The following NIPAL3 variants were observed in gnomAD, a reference collection of about 807,000 sequenced individuals.
NIPAL3 encodes NIPA like domain containing 3.
Under a neutral mutation model 47.2 loss-of-function variants are expected in NIPAL3, and 41 were observed. The ratio of observed to expected loss-of-function variants is 0.87; its 90% confidence interval spans 0.68 to 1.13. NIPAL3 has a LOEUF of 1.13. Among genes scored for constraint, NIPAL3 ranks in the 50% most tolerant of loss-of-function variants. The pLI, the probability that NIPAL3 is intolerant of heterozygous loss-of-function variation, is 0.00. For synonymous variants in NIPAL3, 194 were observed against 209.6 expected, an observed-to-expected ratio of 0.93 and a Z score of 0.64; for missense variants, 449 against 530.1, an observed-to-expected ratio of 0.85 and a Z score of 1.50.
At position 24,449,949 on chromosome 1, in the gene NIPAL3, G is replaced by A. The variant is rs560711629; in HGVS notation, c.540+323G>A. Among the ~76,000 whole-genome samples the A allele has an allele frequency of 2.0e-5, 3 of 152,224 alleles. No individual in the cohort carries two copies. The East Asian group carries it at 5.8e-4, about 29-fold the overall frequency. ...TTATACTCAACAGAAATGCATACATGTGTTTCTCAAATGACATGTATGAGA... is the reference window on the plus strand; with the variant it reads ...TTATACTCAACAGAAATGCATACATATGTTTCTCAAATGACATGTATGAGA... On this transcript the variant is annotated intron_variant, in intron 6 of 11. Coordinates refer to ENST00000374399, the MANE Select transcript of NIPAL3 (RefSeq NM_020448.5). The surrounding 1 kb of genome is among the most constrained non-coding windows in gnomAD (Gnocchi z 4.5).
rs1644005596 is a variant in NIPAL3, at chr1:24,416,003, C to T, written c.-258+99C>T. On this transcript the variant is annotated intron_variant, in intron 1 of 11. Transcript: ENST00000374399. This position sits in a 1 kb window ranked among gnomAD's most constrained non-coding sequence, Gnocchi z 4.8. Reference sequence around the variant, plus strand: ...ACCTAACGTCCCCTAGTGTACATACCCTTCCTTCTTACTGTCACCAGCCTC... The same window carrying T: ...ACCTAACGTCCCCTAGTGTACATACTCTTCCTTCTTACTGTCACCAGCCTC... 1 of 985,262 alleles carries T rather than the reference C, an allele frequency of 1.0e-6. No homozygotes were observed. Among genetic ancestry groups the T allele is most frequent in the Non-Finnish European group, 1.2e-6 (1 of 829,964 alleles). 61.0% of individuals were successfully genotyped at this position (985,262 alleles called of 1,614,324 possible).
intron 10 of NIPAL3, 51 bp from the exon 11 acceptor site, chr1:24,463,975 C>T (rs748140965): frequency 1.1e-5 from 17 of 1,495,218 alleles, no homozygotes; most frequent in South Asian, 2.4e-5. Context: ...TGTGCCTGCC[C>T]GACCTTGCTC....
At chr1:24,418,280 T>C (rs557683572) in intron 1 of NIPAL3, among the ~76,000 whole-genome samples, 1 of 152,316 alleles carries the variant, frequency 6.6e-6, no homozygotes, top group East Asian at 1.9e-4. Context: ...CCCTAACACT[T>C]TTAAGCAGGG....
intron 1 of NIPAL3, among the ~76,000 whole-genome samples, chr1:24,417,186 T>A (rs892576610): frequency 5.9e-5 from 9 of 152,138 alleles, no homozygotes; most frequent in African/African-American, 1.9e-4. Flanking sequence ...TACAAGTCAC[T>A]GTCAGGCTCT....
At chr1:24,459,116 A>G (rs1268754674) in intron 9 of NIPAL3, 140 bp downstream of exon 9, 2 of 715,936 alleles carry the variant, frequency 2.8e-6, no homozygotes, top group Non-Finnish European at 4.8e-6. Context: ...CAGGATTTCC[A>G]GACAGAGAGA....
intron 4 of NIPAL3, 76 bp downstream of exon 4, chr1:24,442,302 G>T: frequency 2.6e-6 from 4 of 1,521,204 alleles, no homozygotes; most frequent in South Asian, 1.2e-5. Context: ...CAGGATCAAA[G>T]GTGCCCATTG....
At chr1:24,450,025 G>A (rs981447202) in intron 6 of NIPAL3, among the ~76,000 whole-genome samples, 3 of 152,254 alleles carry the variant, frequency 2.0e-5, no homozygotes, top group African/African-American at 4.8e-5. Flanking sequence ...GACTCCTCAA[G>A]TGCCCCCCAG....
At chr1:24,466,319 A>G (rs1646697970) in intron 11 of NIPAL3, 1 of 369,502 alleles carries the variant, frequency 2.7e-6, no homozygotes, top group South Asian at 5.0e-5. Flanking sequence ...AAAATAAATA[A>G]ATAAATAAAA....
rs1005018210 is a variant in NIPAL3, at chr1:24,470,301, G to A, written c.*1116G>A. 3 of 152,172 alleles carry A rather than the reference G, an allele frequency of 2.0e-5. No individual in the cohort carries two copies. The highest frequency in any genetic ancestry group is 7.2e-5 in the African/African-American group (3 of 41,432). The allele number at this position is 152,172 out of a possible 1,614,324, so 9.4% of individuals were successfully genotyped here. ...CTGATGGTATACTTTTGAGAGGGGC[G>A]GATAAAGGTTTGCAAACTTTAATGG... On this transcript the variant is annotated 3_prime_UTR_variant, in exon 12 of 12. Coordinates refer to ENST00000374399, the MANE Select transcript of NIPAL3 (RefSeq NM_020448.5).
At position 24,451,947 on chromosome 1, in the gene NIPAL3, C is replaced by T. The variant is rs1286447475; in HGVS notation, c.541-1461C>T. 6.6e-6 allele frequency among the ~76,000 whole-genome samples: 1 copy of T among 152,152 alleles called. No homozygotes were observed. Among genetic ancestry groups the T allele is most frequent in the Non-Finnish European group, 1.5e-5 (1 of 68,032 alleles). ...GACAACTCGTTAAAATATGGATTCACTGGAACAAAGACAAAGAAGAAACGG... is the reference window on the plus strand; with the variant it reads ...GACAACTCGTTAAAATATGGATTCATTGGAACAAAGACAAAGAAGAAACGG... On this transcript the variant is annotated intron_variant, in intron 6 of 11. Transcript: ENST00000374399. The surrounding 1 kb of genome is among the most constrained non-coding windows in gnomAD (Gnocchi z 4.5).
chr1:24,439,178 C>T (rs774899520), intron 2 of NIPAL3, among the ~76,000 whole-genome samples: 5 of 151,778 alleles, frequency 3.3e-5, no homozygotes, highest in East Asian at 3.9e-4. Context: ...CCATTTACCC[C>T]GACTCTAAAA....
intron 11 of NIPAL3, 63 bp from the exon 12 acceptor site, chr1:24,468,923 G>A (rs943689526): frequency 1.8e-4 from 257 of 1,452,828 alleles, no homozygotes; most frequent in Non-Finnish European, 2.3e-4. Flanking sequence ...GGGATAGAGG[G>A]AGATGCGGCC....
rs779383234 is a variant in NIPAL3 at position 24,440,204 on chromosome 1, C to T, written c.126C>T (p.Phe42=). The T allele has an allele frequency of 8.2e-6, 13 of 1,595,090 alleles. No homozygotes were observed. Among genetic ancestry groups the T allele is most frequent in the East Asian group, 6.9e-5 (3 of 43,380 alleles). The part of the protein sequence containing the change: ...ENLIGALLAI[F]GHLVVSIALN... The stretch of plus-strand genomic sequence containing the variant: ...TGATTGGCGCCCTCTTGGCGATCTT[C>T]GGGCACCTCGTGGTCAGCATTGCAC... Residue 42 remains phenylalanine, a synonymous_variant, in exon 3 of 12, where the codon TTC becomes TTT. Transcript: ENST00000374399.
At chr1:24,427,572 T>C (rs924056808) in intron 2 of NIPAL3, among the ~76,000 whole-genome samples, 2 of 152,224 alleles carry the variant, frequency 1.3e-5, no homozygotes, top group Non-Finnish European at 1.5e-5. Flanking sequence ...TATTTTTTTT[T>C]CCTAATTGAT....
Position 24,446,362 on chromosome 1 carries a change from TC to T in NIPAL3, c.394+1121del, listed in dbSNP as rs373759951. 3.3e-3 allele frequency among the ~76,000 whole-genome samples: 508 copies of T among 152,090 alleles called. 6 individuals carry two copies. The highest frequency in any genetic ancestry group is 0.011 in the African/African-American group (453 of 41,478). The stretch of plus-strand genomic sequence containing the variant: ...CCATGGTGGTTTGCTGCACAGATCA[TC>T]CCATCACCTAGGTATTAAGCCCAGC... On this transcript the variant is annotated intron_variant, in intron 5 of 11. Transcript: ENST00000374399.
intron 6 of NIPAL3, among the ~76,000 whole-genome samples, chr1:24,452,965 G>A (rs1195272323): frequency 2.0e-5 from 3 of 150,098 alleles, no homozygotes; most frequent in Non-Finnish European, 4.4e-5. Context: ...GCCTCCCAAA[G>A]TGCTAGGGTT....
At chr1:24,463,806 G>A (rs1646579543) in intron 10 of NIPAL3, among the ~76,000 whole-genome samples, 1 of 152,134 alleles carries the variant, frequency 6.6e-6, no homozygotes, top group Admixed American at 6.5e-5. Context: ...CATGGAGAGT[G>A]TAGGGCATGT....
intron 11 of NIPAL3, chr1:24,465,858 T>G: frequency 7.7e-7 from 1 of 1,293,496 alleles, no homozygotes; most frequent in Non-Finnish European, 1.0e-6. Flanking sequence ...TTAAAAACCT[T>G]TGGAAGTTTC....
At chr1:24,452,688 A>G (rs1346474287) in intron 6 of NIPAL3, among the ~76,000 whole-genome samples, 1 of 151,992 alleles carries the variant, frequency 6.6e-6, no homozygotes, top group African/African-American at 2.4e-5. Context: ...CTGGGAGCAC[A>G]GGGAGTATAT....
Sources: gnomAD v4.1 joint callset for allele counts (sites outside exome capture counted in the v4.1 genomes callset) on GRCh38, gnomAD v4.1.1 for gene constraint, Gnocchi (gnomAD v3.1) non-coding constraint, MANE v1.5 for transcripts, NCBI Gene and HGNC (gene_info 2026-07-23, HGNC 2026-07-21) for gene names.